LRRFIP1: variants seen among roughly 807,000 people sequenced by gnomAD.
LRRFIP1 encodes the protein LRR binding FLII interacting protein 1.
In LRRFIP1, 62 loss-of-function variants were observed where a neutral mutation model predicts 104.4. The ratio of observed to expected loss-of-function variants is 0.59; its 90% confidence interval spans 0.48 to 0.73. The LOEUF is 0.73. LRRFIP1 is among the 30% of genes least tolerant of loss of function. LRRFIP1 has a pLI of 0.00. For missense variants in LRRFIP1, 796 were observed against 824.5 expected, an observed-to-expected ratio of 0.97 and a Z score of 0.42; for synonymous variants, 300 against 299.0, an observed-to-expected ratio of 1.00 and a Z score of -0.03.
At chr2:237,740,769 T>C (rs1331197966) in intron 11 of LRRFIP1, among the ~76,000 whole-genome samples, 1 of 152,180 alleles carries the variant, frequency 6.6e-6, no homozygotes, top group African/African-American at 2.4e-5. Context: ...GCCACTTGAC[T>C]CTGAGGCTGC....
intron 1 of LRRFIP1, among the ~76,000 whole-genome samples, chr2:237,655,105 T>TA (rs1223146702): frequency 1.3e-5 from 1 of 77,504 alleles, no homozygotes; most frequent in Non-Finnish European, 2.9e-5. Context: ...CTCACTTCTT[T>TA]TTTTTTTTTT....
chr2:237,767,622 A>T (rs911145683), intron 19 of LRRFIP1, among the ~76,000 whole-genome samples: 1 of 152,198 alleles, frequency 6.6e-6, no homozygotes, highest in African/African-American at 2.4e-5. Context: ...TGTGACCCTG[A>T]TCACTTTCCA....
In LRRFIP1 at chr2:237,772,204, T is replaced by C; in HGVS notation, c.1627+6T>C. The C allele has an allele frequency of 1.3e-6, 2 of 1,594,754 alleles. No individual in the cohort carries two copies. Among genetic ancestry groups the C allele is most frequent in the Non-Finnish European group, 1.7e-6 (2 of 1,162,420 alleles). On this transcript the variant is annotated splice_donor_region_variant and intron_variant, in intron 21 of 23. Transcript: ENST00000308482. ...GCATGTAATGGACCTACAAAGTAAA[T>C]GTCAATTCTTGTGTAGAAGTAAATG...
chr2:237,773,776 G>A (rs2060853042), intron 22 of LRRFIP1: 1 of 152,514 alleles, frequency 6.6e-6, no homozygotes, highest in Non-Finnish European at 1.5e-5. Context: ...GTACTTGGCT[G>A]GAACTTTTTA....
intron 23 of LRRFIP1, among the ~76,000 whole-genome samples, chr2:237,775,596 C>G (rs747611646): frequency 2.0e-5 from 3 of 152,188 alleles, no homozygotes; most frequent in Non-Finnish European, 2.9e-5. Context: ...CTTTGGGAGG[C>G]CAAGGTGAGC....
rs531477674 is a variant in LRRFIP1, at chr2:237,648,946, C to T, written c.96+21206C>T. On this transcript the variant is annotated intron_variant, in intron 1 of 23. Transcript: ENST00000308482. ...CTGCTTCCTTTCTGGGGTGATATTG[C>T]AATGCATGTGTCAGTCCCATTGTTC... Among the ~76,000 whole-genome samples, 9 of 152,092 alleles carry T rather than the reference C, an allele frequency of 5.9e-5. No individual in the cohort carries two copies. In the East Asian group the frequency reaches 1.7e-3, roughly 29 times the overall value.
At chr2:237,680,589 G>T (rs2091698127) in intron 1 of LRRFIP1, among the ~76,000 whole-genome samples, 1 of 152,192 alleles carries the variant, frequency 6.6e-6, no homozygotes, top group Non-Finnish European at 1.5e-5. Context: ...TGGTTGGAAG[G>T]GGTCCTAGAA....
In LRRFIP1 at chr2:237,702,493, T is replaced by C. The variant is rs1223915718; in HGVS notation, c.97-6051T>C. On this transcript the variant is annotated intron_variant, in intron 1 of 23. Transcript: ENST00000308482. ...TTCCTGAGAAGCCAGGGAGCCTGGATCTTGTCAGAGGAGCTCCTCCCTCTG... is the reference window on the plus strand; with the variant it reads ...TTCCTGAGAAGCCAGGGAGCCTGGACCTTGTCAGAGGAGCTCCTCCCTCTG... 3.9e-5 allele frequency among the ~76,000 whole-genome samples: 6 copies of C among 152,034 alleles called. No individual in the cohort carries two copies. In the East Asian group the frequency reaches 1.2e-3, roughly 29 times the overall value.
intron 22 of LRRFIP1, among the ~76,000 whole-genome samples, chr2:237,773,540 A>G (rs1329443213): frequency 6.6e-6 from 1 of 152,116 alleles, no homozygotes; most frequent in Non-Finnish European, 1.5e-5. Context: ...TGTCTCAAAA[A>G]TAAAATAAAA....
At chr2:237,669,573 T>C (rs1016132746) in intron 1 of LRRFIP1, among the ~76,000 whole-genome samples, 3 of 152,198 alleles carry the variant, frequency 2.0e-5, no homozygotes, top group African/African-American at 2.4e-5. Context: ...ATCTTCCTCA[T>C]GTCTTTAAAG....
At chr2:237,692,625 C>G in intron 1 of LRRFIP1, 1 of 1,331,308 alleles carries the variant, frequency 7.5e-7, no homozygotes, top group Non-Finnish European at 9.8e-7. Context: ...GCCCGGGAGG[C>G]GTGGGGTGGG....
At chr2:237,637,441 C>T (rs1476189149) in intron 1 of LRRFIP1, among the ~76,000 whole-genome samples, 1 of 152,178 alleles carries the variant, frequency 6.6e-6, no homozygotes, top group African/African-American at 2.4e-5. Context: ...GCACGCCATC[C>T]TGGGCAGCAG....
chr2:237,775,712 C>T (rs1433462298), intron 23 of LRRFIP1, among the ~76,000 whole-genome samples: 1 of 152,062 alleles, frequency 6.6e-6, no homozygotes, highest in African/African-American at 2.4e-5. Flanking sequence ...GTGGCCCGTG[C>T]CTGTAGTCTC....
intron 1 of LRRFIP1, among the ~76,000 whole-genome samples, chr2:237,671,820 G>T (rs907008784): frequency 6.7e-6 from 1 of 149,954 alleles, no homozygotes; most frequent in African/African-American, 2.5e-5. Context: ...GCATGTGTGT[G>T]TGCACATGTG....
chr2:237,653,380 A>G (rs1050831679), intron 1 of LRRFIP1, among the ~76,000 whole-genome samples: 1 of 152,268 alleles, frequency 6.6e-6, no homozygotes, highest in African/African-American at 2.4e-5. Context: ...AAATGTGAAG[A>G]TATCCCATGT....
chr2:237,717,665 T>C lies in LRRFIP1; in HGVS notation c.202-97T>C, dbSNP rs1230891461. 15 of 937,984 alleles carry C rather than the reference T, an allele frequency of 1.6e-5. No individual in the cohort carries two copies. In the East Asian group the frequency reaches 3.3e-4, roughly 21 times the overall value. The allele number at this position is 937,984 out of a possible 1,614,324, so 58.1% of individuals were successfully genotyped here. A position where few individuals can be genotyped will look rare whatever the true frequency, so the allele number is the denominator to read the frequency against. ...GTGTTACCTTCACCACACGGCTGGA[T>C]GGCGGTTTGGAAATGCATGTCAGAA... On this transcript the variant is annotated intron_variant, in intron 3 of 23. Transcript: ENST00000308482. This position sits in a 1 kb window ranked among gnomAD's most constrained non-coding sequence, Gnocchi z 4.2.
At chr2:237,651,233 G>C (rs192701447) in intron 1 of LRRFIP1, among the ~76,000 whole-genome samples, 15 of 152,068 alleles carry the variant, frequency 9.9e-5, no homozygotes, top group Non-Finnish European at 1.5e-4. Flanking sequence ...TTCTTTTTCT[G>C]GGTGTCTTTG....
At chr2:237,727,128 C>T (rs992392304) in intron 7 of LRRFIP1, among the ~76,000 whole-genome samples, 50 of 152,094 alleles carry the variant, frequency 3.3e-4, no homozygotes, top group Non-Finnish European at 1.5e-4. Context: ...GAGGCCAAGG[C>T]GGGCGGATCA....
chr2:237,713,178 G>A (rs2094182032), intron 2 of LRRFIP1, among the ~76,000 whole-genome samples: 1 of 152,030 alleles, frequency 6.6e-6, no homozygotes, highest in Admixed American at 6.6e-5. Context: ...AGACACCAGT[G>A]TCGGGGGCAG....
Sources: allele counts gnomAD v4.1 joint callset (sites outside exome capture counted in the v4.1 genomes callset), GRCh38; gene constraint gnomAD v4.1.1; non-coding constraint Gnocchi (gnomAD v3.1); transcripts MANE v1.5; gene names NCBI Gene and HGNC (gene_info 2026-07-23, HGNC 2026-07-21).